ALMS1: variants seen among roughly 807,000 people sequenced by gnomAD.
ALMS1 encodes centrosome-associated protein ALMS1.
Under a neutral mutation model 352.2 loss-of-function variants are expected in ALMS1, and 271 were observed. That is an observed-to-expected ratio of 0.77 (90% CI 0.70 to 0.85). The LOEUF is 0.85. Ranked by LOEUF, ALMS1 falls within the 40% of genes least tolerant of loss-of-function variation. The pLI, the probability that ALMS1 is intolerant of heterozygous loss-of-function variation, is 0.00. For missense variants in ALMS1, 5,445 were observed against 4,870.7 expected, an observed-to-expected ratio of 1.12 and a Z score of -3.51; for synonymous variants, 1,865 against 1,761.2, an observed-to-expected ratio of 1.06 and a Z score of -1.48.
intron 21 of ALMS1, among the ~76,000 whole-genome samples, chr2:73,607,190 A>AT (rs1252092206): frequency 6.6e-6 from 1 of 152,238 alleles, no homozygotes; most frequent in African/African-American, 2.4e-5. Flanking sequence ...CATACTGCAT[A>AT]TACAGGTTTG....
intron 11 of ALMS1, among the ~76,000 whole-genome samples, chr2:73,531,943 A>C (rs745841633): frequency 6.6e-6 from 1 of 152,240 alleles, no homozygotes; most frequent in African/African-American, 2.4e-5. Context: ...ACCTCCCACC[A>C]GGTCTCTGCC....
At chr2:73,424,363 G>A in intron 4 of ALMS1, 67 bp from the exon 5 acceptor site, 1 of 1,035,822 alleles carries the variant, frequency 9.7e-7, no homozygotes, top group Non-Finnish European at 1.3e-6. Context: ...GTATTTTTGT[G>A]TTAGTACTTA....
intron 10 of ALMS1, among the ~76,000 whole-genome samples, chr2:73,515,109 T>C (rs1476904568): frequency 3.9e-5 from 6 of 152,216 alleles, no homozygotes; most frequent in East Asian, 3.8e-4. Context: ...GAGTCTCTTA[T>C]GCTGTCATCC....
chr2:73,440,982 T>A (rs1671708306), intron 7 of ALMS1, among the ~76,000 whole-genome samples: 3 of 152,194 alleles, frequency 2.0e-5, no homozygotes, highest in Non-Finnish European at 4.4e-5. Flanking sequence ...AGGCTCCCAC[T>A]CAGTCCCTGT....
chr2:73,512,917 A>G (rs528998863), intron 10 of ALMS1, among the ~76,000 whole-genome samples: 3 of 152,328 alleles, frequency 2.0e-5, no homozygotes, highest in South Asian at 2.1e-4. Context: ...TTTAAACACT[A>G]GGCATATGTG....
At position 73,603,311 on chromosome 2, in the gene ALMS1, C is replaced by A. The variant is rs1257275977; in HGVS notation, c.12362+7C>A. 1.9e-6 allele frequency: 3 copies of A among 1,613,554 alleles called. No homozygotes were observed. The highest frequency in any genetic ancestry group is 1.7e-6 in the Non-Finnish European group (2 of 1,179,784). On this transcript the variant is annotated splice_region_variant and intron_variant, in intron 21 of 22. Transcript: ENST00000613296. The stretch of plus-strand genomic sequence containing the variant: ...TGATTCAGAGGTCCAAACGGTAAGA[C>A]CAAGAAAACAAGAGTACGTATACAA...
chr2:73,480,190 A>G (rs536061984), intron 9 of ALMS1, among the ~76,000 whole-genome samples: 60 of 152,096 alleles, frequency 3.9e-4, no homozygotes, highest in African/African-American at 1.4e-3. Context: ...CTTGTCATCT[A>G]GCATTAGGTA....
In ALMS1 at chr2:73,600,789, C is replaced by T; in HGVS notation, c.11780C>T (p.Ser3927Phe). ...AKLEENSDVT[S>F]WSEEKREEKM... ...TTGGAAGAGAACAGTGATGTGACTTCTTGGTCAGAAGAAAAACGTGAAGAG... is the reference window on the plus strand; with the variant it reads ...TTGGAAGAGAACAGTGATGTGACTTTTTGGTCAGAAGAAAAACGTGAAGAG... The change falls in exon 18 of 23, where the codon TCT becomes TTT. Residue 3927 changes from serine to phenylalanine, a missense_variant. Transcript: ENST00000613296. The T allele has an allele frequency of 6.2e-7, 1 of 1,614,200 alleles. No homozygotes were observed. The highest frequency in any genetic ancestry group is 8.5e-7 in the Non-Finnish European group (1 of 1,180,024).
At position 73,572,291 on chromosome 2, in the gene ALMS1, A is replaced by T. The variant is rs766154425; in HGVS notation, c.10414A>T (p.Thr3472Ser). Residue 3472 changes from threonine (T) to serine (S), a missense_variant, in exon 16 of 23, where the codon ACT (threonine) becomes TCT (serine). Coordinates refer to ENST00000613296, the MANE Select transcript of ALMS1 (RefSeq NM_001378454.1). ...CGAATGTCATTCAGAATTTGAAAAT[A>T]CTACCCGTTCTGTCTTCAGGTCAGC... Reference protein sequence around the residue: ...ESECHSEFENTTRSVFRSAKF... With the variant: ...ESECHSEFENSTRSVFRSAKF... The T allele has an allele frequency of 5.0e-6, 8 of 1,608,246 alleles. No homozygotes were observed. The highest frequency in any genetic ancestry group is 6.8e-6 in the Non-Finnish European group (8 of 1,178,424).
intron 16 of ALMS1, among the ~76,000 whole-genome samples, chr2:73,579,338 G>A (rs1436523356): frequency 1.3e-5 from 2 of 150,436 alleles, no homozygotes; most frequent in South Asian, 2.1e-4. Flanking sequence ...GGGATTACAG[G>A]CATGAGCCAC....
intron 22 of ALMS1, 122 bp from the exon 23 acceptor site, chr2:73,609,446 T>G: frequency 1.1e-6 from 1 of 931,106 alleles, no homozygotes; most frequent in South Asian, 1.3e-5. Context: ...CAGAGTAAAA[T>G]GAACAAGATT....
At chr2:73,392,787 T>C (rs1349635637) in intron 1 of ALMS1, among the ~76,000 whole-genome samples, 2 of 152,210 alleles carry the variant, frequency 1.3e-5, no homozygotes, top group South Asian at 2.1e-4. Flanking sequence ...TTGGCTATTA[T>C]GTATAATGCT....
chr2:73,507,784 T>C (rs940027549), intron 10 of ALMS1, among the ~76,000 whole-genome samples: 1 of 152,220 alleles, frequency 6.6e-6, no homozygotes. Flanking sequence ...CCTTCAGTTC[T>C]GCTCTGATCT....
chr2:73,428,413 A>T (rs1025221575), intron 6 of ALMS1, among the ~76,000 whole-genome samples: 34 of 152,176 alleles, frequency 2.2e-4, no homozygotes, highest in African/African-American at 8.2e-4. Context: ...AACTAAGGTT[A>T]AGATTTTGCA....
chr2:73,546,314 A>G (rs1341053740), intron 12 of ALMS1, among the ~76,000 whole-genome samples: 2 of 152,128 alleles, frequency 1.3e-5, no homozygotes, highest in African/African-American at 4.8e-5. Context: ...TGTTTCCTTC[A>G]TACTTTCCTG....
chr2:73,486,075 A>T (rs892359755), intron 9 of ALMS1, among the ~76,000 whole-genome samples: 24 of 151,904 alleles, frequency 1.6e-4, no homozygotes, highest in African/African-American at 2.9e-4. Context: ...AGCTGTTCCT[A>T]TTCGGCCATC....
At chr2:73,482,693 T>C (rs368100671) in intron 9 of ALMS1, among the ~76,000 whole-genome samples, 1 of 152,158 alleles carries the variant, frequency 6.6e-6, no homozygotes, top group South Asian at 2.1e-4. Context: ...ATTCGGCTGT[T>C]AATCCATCTG....
At chr2:73,431,822 C>G (rs1157234820) in intron 6 of ALMS1, among the ~76,000 whole-genome samples, 1 of 152,136 alleles carries the variant, frequency 6.6e-6, no homozygotes, top group Non-Finnish European at 1.5e-5. Context: ...AATACCTGAG[C>G]TTGTCCAGAA....
At chr2:73,512,080 T>G (rs1673464263) in intron 10 of ALMS1, among the ~76,000 whole-genome samples, 1 of 152,190 alleles carries the variant, frequency 6.6e-6, no homozygotes. Flanking sequence ...ATTTTTATTT[T>G]TTTGAGATGG....
Sources: allele counts gnomAD v4.1 joint callset (sites outside exome capture counted in the v4.1 genomes callset), GRCh38; gene constraint gnomAD v4.1.1; transcripts MANE v1.5; gene names NCBI Gene and HGNC (gene_info 2026-07-23, HGNC 2026-07-21).